PUS10: variants seen among roughly 807,000 people sequenced by gnomAD.
The protein encoded by PUS10 is tRNA pseudouridine synthase Pus10.
In PUS10, 59 loss-of-function variants were observed where a neutral mutation model predicts 75.0. That is an observed-to-expected ratio of 0.79 (90% CI 0.64 to 0.98). The LOEUF is 0.98. Ranked by LOEUF, PUS10 falls within the 50% of genes least tolerant of loss-of-function variation. The pLI is 0.00. For missense variants in PUS10, 650 were observed against 614.4 expected (o/e 1.06, Z -0.61); for synonymous variants, 219 against 211.6 (o/e 1.03, Z -0.30).
chr2:60,945,524 C>T (rs1348207589), intron 16 of PUS10, among the ~76,000 whole-genome samples: 2 of 152,122 alleles, frequency 1.3e-5, no homozygotes, highest in Non-Finnish European at 2.9e-5. Flanking sequence ...TTCCACAGAG[C>T]CACACAGAGA....
At chr2:61,003,394 G>A (rs551304928) in intron 4 of PUS10, among the ~76,000 whole-genome samples, 3 of 151,530 alleles carry the variant, frequency 2.0e-5, no homozygotes, top group East Asian at 3.9e-4. Flanking sequence ...CTCAGGAGGC[G>A]GAGGCTGCAG....
At chr2:60,955,751 T>C (rs1675607082) in intron 11 of PUS10, among the ~76,000 whole-genome samples, 1 of 152,174 alleles carries the variant, frequency 6.6e-6, no homozygotes, top group Non-Finnish European at 1.5e-5. Context: ...GCTAGGTGTT[T>C]CTGACGTTAA....
chr2:60,950,017 G>A (rs1048845827), intron 15 of PUS10, among the ~76,000 whole-genome samples: 3 of 152,158 alleles, frequency 2.0e-5, no homozygotes, highest in East Asian at 1.9e-4. Flanking sequence ...TGACTTGTAC[G>A]ACCCATGTGA....
In PUS10 at chr2:61,018,087, CGTCTCTCTGG is replaced by C; in HGVS notation, c.-105_-96del. ...AACGTTTTTTTCGGGAGCTCCTGGG[CGTCTCTCTGG>C]GTCTCTGTGCTTGAAAGAAAGGGGG... On this transcript the variant is annotated 5_prime_UTR_variant, in exon 1 of 18. Transcript: ENST00000316752. 1 of 1,521,720 alleles carries C rather than the reference CGTCTCTCTGG, an allele frequency of 6.6e-7. No individual in the cohort carries two copies. Among genetic ancestry groups the C allele is most frequent in the African/African-American group, 1.4e-5 (1 of 71,692 alleles). 94.3% of individuals were successfully genotyped at this position (1,521,720 alleles called of 1,614,324 possible).
At chr2:60,944,046 T>A (rs1674789385) in intron 17 of PUS10, 1 of 161,098 alleles carries the variant, frequency 6.2e-6, no homozygotes, top group African/African-American at 2.4e-5. Flanking sequence ...GGGGATCGCT[T>A]GAGCCCGAGA....
chr2:60,979,066 C>A (rs1467517183), intron 4 of PUS10, among the ~76,000 whole-genome samples: 1 of 152,128 alleles, frequency 6.6e-6, no homozygotes, highest in Non-Finnish European at 1.5e-5. Flanking sequence ...CAGCTGGAGG[C>A]ATTTAGCAGT....
At chr2:61,002,321 A>C (rs533815121) in intron 4 of PUS10, among the ~76,000 whole-genome samples, 20 of 152,370 alleles carry the variant, frequency 1.3e-4, no homozygotes, top group Middle Eastern at 3.4e-3. Flanking sequence ...TCATGTGCCG[A>C]AACACTGGGA....
intron 15 of PUS10, 125 bp from the exon 16 acceptor site, chr2:60,948,310 T>C (rs913546571): frequency 8.9e-6 from 8 of 894,878 alleles, no homozygotes; most frequent in South Asian, 6.1e-5. Context: ...TAAAATGAAT[T>C]GTGTCCCCTT....
chr2:60,943,049 A>AAAG (rs1319074301), intron 17 of PUS10, among the ~76,000 whole-genome samples: 1 of 151,822 alleles, frequency 6.6e-6, no homozygotes, highest in Non-Finnish European at 1.5e-5. Context: ...AAAAAAAAAA[A>AAAG]AAAAAAAGTA....
chr2:60,975,595 A>G (rs905579594), intron 4 of PUS10, among the ~76,000 whole-genome samples: 2 of 151,556 alleles, frequency 1.3e-5, no homozygotes, highest in African/African-American at 4.9e-5. Flanking sequence ...GCCTAAAGAA[A>G]TCATTTATAG....
At chr2:60,987,787 C>T (rs1343386349) in intron 4 of PUS10, among the ~76,000 whole-genome samples, 1 of 152,030 alleles carries the variant, frequency 6.6e-6, no homozygotes, top group Non-Finnish European at 1.5e-5. Flanking sequence ...GCTGGGCCTG[C>T]CTGTAATCTC....
At chr2:61,004,700 A>G (rs1679092918) in intron 4 of PUS10, among the ~76,000 whole-genome samples, 1 of 151,858 alleles carries the variant, frequency 6.6e-6, no homozygotes, top group Non-Finnish European at 1.5e-5. Context: ...CATAAACATA[A>G]TTTTCTGAAG....
chr2:60,963,215 G>T (rs1194957893), intron 8 of PUS10, among the ~76,000 whole-genome samples: 6 of 152,176 alleles, frequency 3.9e-5, no homozygotes, highest in Non-Finnish European at 8.8e-5. Context: ...AAAACATGAT[G>T]ACACTGTAGG....
chr2:60,973,026 C>T (rs928886839), intron 4 of PUS10, among the ~76,000 whole-genome samples: 2 of 152,160 alleles, frequency 1.3e-5, no homozygotes, highest in East Asian at 3.8e-4. Context: ...GCAGCAGTGG[C>T]GGCGGTGGGA....
At chr2:60,947,828 C>CAAAAAA (rs890632119) in intron 16 of PUS10, among the ~76,000 whole-genome samples, 21 of 45,766 alleles carry the variant, frequency 4.6e-4, no homozygotes, top group South Asian at 7.5e-4. Context: ...GACTCTGCCT[C>CAAAAAA]AAAAAAAAAA....
intron 17 of PUS10, among the ~76,000 whole-genome samples, chr2:60,944,481 C>T (rs1674816933): frequency 6.6e-6 from 1 of 152,188 alleles, no homozygotes; most frequent in African/African-American, 2.4e-5. Context: ...ACTCGTGACT[C>T]AACACCTATT....
At chr2:60,978,952 T>C (rs1367840892) in intron 4 of PUS10, among the ~76,000 whole-genome samples, 1 of 152,170 alleles carries the variant, frequency 6.6e-6, no homozygotes, top group Non-Finnish European at 1.5e-5. Context: ...CAAACTATAT[T>C]CTTTTGAATC....
intron 15 of PUS10, among the ~76,000 whole-genome samples, chr2:60,949,432 C>CCACA: frequency 6.6e-6 from 1 of 152,170 alleles, no homozygotes; most frequent in African/African-American, 2.4e-5. Flanking sequence ...ATACCACGAG[C>CCACA]CACATGTCTT....
chr2:60,973,924 C>G (rs1228783323), intron 4 of PUS10, among the ~76,000 whole-genome samples: 3 of 152,194 alleles, frequency 2.0e-5, no homozygotes, highest in Non-Finnish European at 4.4e-5. Context: ...GAGGAGCTAT[C>G]CACCCCAGAG....
Sources: gnomAD v4.1 joint callset for allele counts (sites outside exome capture counted in the v4.1 genomes callset) on GRCh38, gnomAD v4.1.1 for gene constraint, MANE v1.5 for transcripts, NCBI Gene and HGNC (gene_info 2026-07-23, HGNC 2026-07-21) for gene names.